EHMT1: variants seen among roughly 807,000 people sequenced by gnomAD.
The protein encoded by EHMT1 is histone-lysine N-methyltransferase EHMT1.
EHMT1 carries 15 observed loss-of-function variants against 147.2 expected under a neutral mutation model. That is an observed-to-expected ratio of 0.10 (90% CI 0.07 to 0.16). The LOEUF (loss-of-function observed/expected upper bound fraction) is 0.16, where lower values mean the gene tolerates loss of function less well. Among genes scored for constraint, EHMT1 ranks in the 10% least tolerant of loss-of-function variants. EHMT1 has a pLI of 1.00. For missense variants in EHMT1, 1,587 were observed against 1,772.4 expected, an observed-to-expected ratio of 0.90 and a Z score of 1.88; for synonymous variants, 795 against 709.6, an observed-to-expected ratio of 1.12 and a Z score of -1.91.
intron 25 of EHMT1, among the ~76,000 whole-genome samples, chr9:137,822,649 C>T (rs1181694306): frequency 6.6e-6 from 1 of 152,132 alleles, no homozygotes; most frequent in African/African-American, 2.4e-5. Flanking sequence ...AATCCCAGCA[C>T]TTTGGAAGGC....
chr9:137,823,162 A>AT (rs1564828152), intron 25 of EHMT1, among the ~76,000 whole-genome samples: 5 of 143,778 alleles, frequency 3.5e-5, no homozygotes, highest in Non-Finnish European at 7.5e-5. Flanking sequence ...GCAGTGACGC[A>AT]GTCTCGGCTC....
intron 1 of EHMT1, among the ~76,000 whole-genome samples, chr9:137,636,752 T>G (rs1410954756): frequency 6.6e-6 from 1 of 152,216 alleles, no homozygotes; most frequent in Non-Finnish European, 1.5e-5. Context: ...GTATGTTATC[T>G]AATCCTTTTT....
chr9:137,698,060 C>A (rs1157576415), intron 1 of EHMT1, among the ~76,000 whole-genome samples: 4 of 151,778 alleles, frequency 2.6e-5, no homozygotes, highest in African/African-American at 9.7e-5. Flanking sequence ...CGTGTGAGGG[C>A]GGCGTGGCTC....
chr9:137,705,013 C>T (rs532203989), intron 1 of EHMT1, among the ~76,000 whole-genome samples: 4 of 146,514 alleles, frequency 2.7e-5, no homozygotes, highest in East Asian at 2.1e-4. Flanking sequence ...CTTTTGACAG[C>T]GTCTTCCTCT....
intron 13 of EHMT1, among the ~76,000 whole-genome samples, chr9:137,778,833 C>G (rs997806803): frequency 6.6e-6 from 1 of 152,194 alleles, no homozygotes; most frequent in African/African-American, 2.4e-5. Context: ...GTTCTCCAGA[C>G]TGTACAGGAA....
At position 137,828,029 on chromosome 9, in the gene EHMT1, T is replaced by C. The variant is rs1247080799; in HGVS notation, c.3541-6320T>C. Among the ~76,000 whole-genome samples the C allele has an allele frequency of 1.3e-5, 2 of 151,964 alleles. No individual in the cohort carries two copies. The highest frequency in any genetic ancestry group is 2.4e-5 in the African/African-American group (1 of 41,370). On this transcript the variant is annotated intron_variant, in intron 25 of 26. Coordinates refer to ENST00000460843, the MANE Select transcript of EHMT1 (RefSeq NM_024757.5). This position sits in a 1 kb window ranked among gnomAD's most constrained non-coding sequence, Gnocchi z 5.3. Reference sequence around the variant, plus strand: ...GGGCTCCTTGTGCCAGCCGACAGGGTGCGACGGGGTGGTCGGCCCGGCTGC... The same window carrying C: ...GGGCTCCTTGTGCCAGCCGACAGGGCGCGACGGGGTGGTCGGCCCGGCTGC...
intron 1 of EHMT1, among the ~76,000 whole-genome samples, chr9:137,665,440 C>A (rs925126771): frequency 6.6e-5 from 10 of 152,084 alleles, no homozygotes; most frequent in Non-Finnish European, 2.9e-5. Context: ...GCCCTGAGAC[C>A]CAGCCCTGGT....
intron 1 of EHMT1, chr9:137,641,225 C>T (rs1844461722): frequency 9.5e-6 from 4 of 419,852 alleles, no homozygotes; most frequent in South Asian, 3.9e-5. Flanking sequence ...ATGCCTCTTC[C>T]TACTGGCTTT....
At position 137,721,974 on chromosome 9, in the gene EHMT1, C is replaced by G. The variant is rs536012095; in HGVS notation, c.642+4792C>G. On this transcript the variant is annotated intron_variant, in intron 3 of 26. Transcript: ENST00000460843. Reference sequence around the variant, plus strand: ...TTCACCTAGCCCTAGATCTCAATTTCTCTAATTTTTTTTTTTTTTCAGTCT... The same window carrying G: ...TTCACCTAGCCCTAGATCTCAATTTGTCTAATTTTTTTTTTTTTTCAGTCT... Among the ~76,000 whole-genome samples the G allele has an allele frequency of 4.2e-5, 6 of 143,756 alleles. No individual in the cohort carries two copies. In the South Asian group the frequency reaches 1.3e-3, roughly 30 times the overall value. 94.3% of individuals were successfully genotyped at this position (143,756 alleles called of 152,430 possible).
chr9:137,713,082 G>GTTCAAC, intron 2 of EHMT1, among the ~76,000 whole-genome samples: 1 of 151,984 alleles, frequency 6.6e-6, no homozygotes, highest in African/African-American at 2.4e-5. Context: ...AAATCAGTTG[G>GTTCAAC]CTTTAAATGT....
intron 22 of EHMT1, among the ~76,000 whole-genome samples, chr9:137,815,080 C>T (rs1954813715): frequency 1.3e-5 from 2 of 151,856 alleles, no homozygotes; most frequent in South Asian, 4.2e-4. Context: ...TTCCTGGTCT[C>T]CCGAGTTCAG....
intron 8 of EHMT1, among the ~76,000 whole-genome samples, chr9:137,757,336 A>G (rs970989161): frequency 6.6e-6 from 1 of 152,190 alleles, no homozygotes; most frequent in African/African-American, 2.4e-5. Flanking sequence ...TGTTTACTGG[A>G]GTCGACACTG....
chr9:137,687,732 C>T (rs561811236), intron 1 of EHMT1, among the ~76,000 whole-genome samples: 5 of 152,330 alleles, frequency 3.3e-5, no homozygotes, highest in South Asian at 2.1e-4. Flanking sequence ...CCTGGCCACA[C>T]GCTGAATTTG....
chr9:137,694,264 C>G, intron 1 of EHMT1, among the ~76,000 whole-genome samples: 1 of 111,676 alleles, frequency 9.0e-6, no homozygotes, highest in Admixed American at 9.5e-5. Context: ...CACACAGTGG[C>G]GCAGGACGCT....
chr9:137,817,004 G>T, intron 23 of EHMT1: 1 of 220,958 alleles, frequency 4.5e-6, no homozygotes, highest in Non-Finnish European at 9.1e-6. Flanking sequence ...ACCCTCGACC[G>T]CCACCTCCCC....
intron 18 of EHMT1, among the ~76,000 whole-genome samples, chr9:137,806,221 A>G (rs1355138516): frequency 6.6e-6 from 1 of 151,952 alleles, no homozygotes; most frequent in Admixed American, 6.6e-5. Context: ...TTGGCCTCCC[A>G]CAGTGCTGGG....
Position 137,721,027 on chromosome 9 carries a change from G to T in EHMT1, c.642+3845G>T, listed in dbSNP as rs559980558. Reference sequence around the variant, plus strand: ...CCTCCTCGCCGGCGTCCTCGCCAGCGTTAGCTCTTACCCACTTTTTATTTA... The same window carrying T: ...CCTCCTCGCCGGCGTCCTCGCCAGCTTTAGCTCTTACCCACTTTTTATTTA... On this transcript the variant is annotated intron_variant, in intron 3 of 26. Transcript: ENST00000460843. Among the ~76,000 whole-genome samples the T allele has an allele frequency of 4.1e-5, 6 of 147,946 alleles. No homozygotes were observed. The East Asian group carries it at 1.2e-3, about 29-fold the overall frequency.
At chr9:137,663,251 A>G (rs914253030) in intron 1 of EHMT1, among the ~76,000 whole-genome samples, 3 of 152,204 alleles carry the variant, frequency 2.0e-5, no homozygotes, top group East Asian at 1.9e-4. Flanking sequence ...CTTTGAAGCT[A>G]CAGCCTATGG....
intron 10 of EHMT1, among the ~76,000 whole-genome samples, chr9:137,773,874 G>A (rs180719568): frequency 5.3e-5 from 8 of 152,264 alleles, no homozygotes; most frequent in Admixed American, 4.6e-4. Context: ...TTTTGGGGGG[G>A]CTACTTCTTG....
Sources: allele counts gnomAD v4.1 joint callset (sites outside exome capture counted in the v4.1 genomes callset), GRCh38; gene constraint gnomAD v4.1.1; non-coding constraint Gnocchi (gnomAD v3.1); transcripts MANE v1.5; gene names NCBI Gene and HGNC (gene_info 2026-07-23, HGNC 2026-07-21).